SLC19A1: variants seen among roughly 807,000 people sequenced by gnomAD.
The protein encoded by SLC19A1 is solute carrier family 19 member 1.
In SLC19A1, 37 loss-of-function variants were observed where a neutral mutation model predicts 35.3. The observed-to-expected ratio is 1.05, with a 90% confidence interval of 0.81 to 1.38. The LOEUF (loss-of-function observed/expected upper bound fraction) is 1.38, where lower values mean the gene tolerates loss of function less well. SLC19A1 is among the 40% of genes most tolerant of loss of function. SLC19A1 has a pLI of 0.00. For missense variants in SLC19A1, 831 were observed against 826.9 expected (o/e 1.00, Z -0.06); for synonymous variants, 460 against 398.5 (o/e 1.15, Z -1.84).
At position 45,537,561 on chromosome 21, in the gene SLC19A1, G is replaced by A. The variant is rs1471273864; in HGVS notation, c.189+210C>T. Among the ~76,000 whole-genome samples, 6 of 94,560 alleles carry A rather than the reference G, an allele frequency of 6.3e-5. 1 individual carries two copies. In the South Asian group the frequency reaches 1.2e-3, roughly 20 times the overall value. 62.0% of individuals were successfully genotyped at this position (94,560 alleles called of 152,430 possible). A position where few individuals can be genotyped will look rare whatever the true frequency, so the allele number is the denominator to read the frequency against. On this transcript the variant is annotated intron_variant, in intron 2 of 5. Coordinates refer to ENST00000311124, the MANE Select transcript of SLC19A1 (RefSeq NM_194255.4). ...CCCACAGGCGGCCGCCCGGCACCCC[G>A]GCACCCACGTGCCTATTCCAGAAGC...
Position 45,534,528 on chromosome 21 carries a change from C to T in SLC19A1, c.190-2380G>A. The T allele has an allele frequency of 1.3e-6, 2 of 1,534,216 alleles. No homozygotes were observed. The highest frequency in any genetic ancestry group is 2.4e-5 in the East Asian group (1 of 40,910). On this transcript the variant is annotated intron_variant, in intron 2 of 5. Transcript: ENST00000311124. The surrounding 1 kb of genome is among the most constrained non-coding windows in gnomAD (Gnocchi z 4.2). Reference sequence around the variant, plus strand: ...AAAGGGCGGCCAGGGGTCCTAGAAGCCTCACCCACCTCCGAATGAATGGAG... The same window carrying T: ...AAAGGGCGGCCAGGGGTCCTAGAAGTCTCACCCACCTCCGAATGAATGGAG...
At chr21:45,505,101 T>G in intron 3 of SLC19A1, 1 of 1,601,066 alleles carries the variant, frequency 6.2e-7, no homozygotes, top group Non-Finnish European at 8.5e-7. Flanking sequence ...GGGCACGAGG[T>G]AACCAGGAAG....
At chr21:45,505,083 C>T (rs113182963) in intron 3 of SLC19A1, 25,913 of 1,589,616 alleles carry the variant, frequency 0.016, 265 homozygotes, top group Non-Finnish European at 0.019. Flanking sequence ...TTGCCCGCCC[C>T]CAGTCCAGGG....
At chr21:45,506,191 G>C (rs956477124) in intron 3 of SLC19A1, 2 of 588,924 alleles carry the variant, frequency 3.4e-6, no homozygotes, top group African/African-American at 3.7e-5. Context: ...ATGAACACAT[G>C]GCGTGTGAGG....
intron 1 of SLC19A1, among the ~76,000 whole-genome samples, chr21:45,549,502 G>A (rs1407779792): frequency 6.6e-6 from 1 of 150,700 alleles, no homozygotes; most frequent in African/African-American, 2.5e-5. Flanking sequence ...GTGGGGGAAA[G>A]GCCTGGAAGC....
chr21:45,532,995 CAG>C (rs994631912), intron 2 of SLC19A1, among the ~76,000 whole-genome samples: 1 of 152,170 alleles, frequency 6.6e-6, no homozygotes, highest in African/African-American at 2.4e-5. Flanking sequence ...TGGGGTAGGG[CAG>C]AGGGCCCTGG....
chr21:45,521,891 C>T (rs60266980), intron 5 of SLC19A1, among the ~76,000 whole-genome samples: 7 of 151,886 alleles, frequency 4.6e-5, no homozygotes, highest in African/African-American at 9.7e-5. Flanking sequence ...TGTAAAAACA[C>T]GAAACTTTAA....
intron 1 of SLC19A1, among the ~76,000 whole-genome samples, chr21:45,539,252 G>A (rs1035617196): frequency 1.3e-5 from 2 of 152,210 alleles, no homozygotes; most frequent in Admixed American, 6.5e-5. Flanking sequence ...TGTATCAGCT[G>A]ACCTCTGCTC....
At chr21:45,511,752 C>T (rs1448788173), downstream of SLC19A1, among the ~76,000 whole-genome samples, 2 of 152,232 alleles carry the variant, frequency 1.3e-5, no homozygotes, top group African/African-American at 4.8e-5. Context: ...CCAGCAGTGC[C>T]TGGCCATCTG....
At chr21:45,548,560 A>G (rs1363158313), upstream of SLC19A1, among the ~76,000 whole-genome samples, 1 of 152,150 alleles carries the variant, frequency 6.6e-6, no homozygotes, top group Non-Finnish European at 1.5e-5. Context: ...CCTGGCCAAC[A>G]TGGTGAAACC....
intron 1 of SLC19A1, among the ~76,000 whole-genome samples, chr21:45,555,618 C>G (rs2078552743): frequency 6.8e-6 from 1 of 148,072 alleles, no homozygotes; most frequent in Non-Finnish European, 1.5e-5. Flanking sequence ...ACCCACCGTC[C>G]CGGGCACTTG....
rs2078007912 is a variant in SLC19A1, at chr21:45,533,570, A to C, written c.190-1422T>G. Reference sequence around the variant, plus strand: ...ATTTTCAGCAGGTGGCCCCGCCCACAGGCCCCACCAGACCCCACCTCAGAT... The same window carrying C: ...ATTTTCAGCAGGTGGCCCCGCCCACCGGCCCCACCAGACCCCACCTCAGAT... On this transcript the variant is annotated intron_variant, in intron 2 of 5. Transcript: ENST00000311124. The surrounding 1 kb of genome is among the most constrained non-coding windows in gnomAD (Gnocchi z 4.5). Among the ~76,000 whole-genome samples the C allele has an allele frequency of 6.6e-6, 1 of 151,738 alleles. No homozygotes were observed. The highest frequency in any genetic ancestry group is 1.5e-5 in the Non-Finnish European group (1 of 67,876).
upstream of SLC19A1, among the ~76,000 whole-genome samples, chr21:45,544,735 C>T (rs1015333838): frequency 3.9e-5 from 6 of 152,108 alleles, no homozygotes; most frequent in African/African-American, 9.7e-5. Flanking sequence ...GGCTGCAGGC[C>T]GCAGAGACCC....
chr21:45,550,913 A>AC (rs1168551451), intron 1 of SLC19A1, among the ~76,000 whole-genome samples: 2 of 10,486 alleles, frequency 1.9e-4, no homozygotes. Context: ...ACCGCCCCCC[A>AC]CCCTCCCCCC....
At chr21:45,527,394 A>ACT (rs1167818113) in intron 4 of SLC19A1, among the ~76,000 whole-genome samples, 19 of 140,076 alleles carry the variant, frequency 1.4e-4, no homozygotes, top group Middle Eastern at 4.3e-3. Flanking sequence ...GCAGCAGGTT[A>ACT]GGACGGGCCC....
chr21:45,535,169 C>G (rs1457947134), intron 2 of SLC19A1, among the ~76,000 whole-genome samples: 1 of 152,170 alleles, frequency 6.6e-6, no homozygotes, highest in African/African-American at 2.4e-5. Flanking sequence ...GGTCCTGGGC[C>G]GGGGGGTCTC....
In SLC19A1 at chr21:45,537,870, G is replaced by A; in HGVS notation, c.90C>T (p.Cys30=). 1 of 1,606,400 alleles carries A rather than the reference G, an allele frequency of 6.2e-7. No individual in the cohort carries two copies. Among genetic ancestry groups the A allele is most frequent in the Non-Finnish European group, 8.5e-7 (1 of 1,178,206 alleles). ...CCATGAAGCCGTAGAAGCAAAGGTA[G>A]CACACGAGGTGCCGCCAGGACCGGA... ...PELRSWRHLV[C]YLCFYGFMAQ... is the part of the protein sequence containing the mutation. Residue 30 remains cysteine (C), a synonymous_variant, in exon 2 of 6, where the codon TGC becomes TGT. Transcript: ENST00000311124.
intron 1 of SLC19A1, among the ~76,000 whole-genome samples, chr21:45,557,503 TGAGTGTCCGCCTG>T (rs1161719920): frequency 6.6e-6 from 1 of 152,146 alleles, no homozygotes; most frequent in Admixed American, 6.5e-5. Flanking sequence ...TGCTGGCATG[TGAGTGTCCGCCTG>T]GAGTGTCCTG....
intron 3 of SLC19A1, among the ~76,000 whole-genome samples, chr21:45,505,662 A>G (rs1359661486): frequency 6.6e-6 from 1 of 152,166 alleles, no homozygotes; most frequent in Non-Finnish European, 1.5e-5. Context: ...ACGGAGGCGC[A>G]GGAGCTGGCG....
Sources: gnomAD v4.1 joint callset for allele counts (sites outside exome capture counted in the v4.1 genomes callset) on GRCh38, gnomAD v4.1.1 for gene constraint, Gnocchi (gnomAD v3.1) non-coding constraint, MANE v1.5 for transcripts, NCBI Gene and HGNC (gene_info 2026-07-23, HGNC 2026-07-21) for gene names.